WEE1: variants seen among roughly 807,000 people sequenced by gnomAD.
The protein encoded by WEE1 is WEE1 G2 checkpoint kinase.
WEE1 carries 16 observed loss-of-function variants against 68.8 expected under a neutral mutation model. The ratio of observed to expected loss-of-function variants is 0.23; its 90% CI spans 0.16 to 0.35. WEE1 has a LOEUF of 0.35. Ranked by LOEUF, WEE1 falls within the 10% of genes least tolerant of loss-of-function variation. The pLI is 1.00. For missense variants in WEE1, 651 were observed against 824.1 expected (o/e 0.79, Z 2.57); for synonymous variants, 349 against 318.7 (o/e 1.09, Z -1.01).
chr11:9,575,981 G>A lies in WEE1; in HGVS notation c.670G>A (p.Glu224Lys). Reference protein sequence around the residue: ...FMDTEKSGKREFDVRQTPQVN... With the variant: ...FMDTEKSGKRKFDVRQTPQVN... ...GGATACAGAAAAATCAGGAAAAAGGGAATTTGATGTGCGACAGACTCCTCA... is the reference window on the plus strand; with the variant it reads ...GGATACAGAAAAATCAGGAAAAAGGAAATTTGATGTGCGACAGACTCCTCA... Residue 224 changes from glutamate (E) to lysine (K), a missense_variant, in exon 2 of 11, where the codon GAA becomes AAA. By Grantham distance (56) the Glu-to-Lys change is moderately conservative (BLOSUM62 1). Transcript: ENST00000450114. 1 of 1,614,118 alleles carries A rather than the reference G, an allele frequency of 6.2e-7. No individual in the cohort carries two copies. The highest frequency in any genetic ancestry group is 8.5e-7 in the Non-Finnish European group (1 of 1,179,988).
rs1157681380 is a variant in WEE1, at chr11:9,583,761, G to GCA, written c.1289-1456_1289-1455dup. ...TGCGTGTGTGTGCGTGCACGCGCGCGCACACACACACACACACACACACAC... is the reference window on the plus strand; with the variant it reads ...TGCGTGTGTGTGCGTGCACGCGCGCGCACACACACACACACACACACACACAC... On this transcript the variant is annotated intron_variant, in intron 6 of 10. Coordinates refer to ENST00000450114, the MANE Select transcript of WEE1 (RefSeq NM_003390.4). Among the ~76,000 whole-genome samples, 60 of 48,912 alleles carry GCA rather than the reference G, an allele frequency of 1.2e-3. 1 individual carries two copies. The highest frequency in any genetic ancestry group is 8.1e-3 in the South Asian group (9 of 1,108). 32.1% of individuals were successfully genotyped at this position (48,912 alleles called of 152,430 possible).
intron 6 of WEE1, among the ~76,000 whole-genome samples, chr11:9,583,919 C>T (rs1262465001): frequency 1.6e-4 from 24 of 148,196 alleles, no homozygotes; most frequent in Non-Finnish European, 3.0e-4. Flanking sequence ...GATCTCGGCT[C>T]ACTGCAACCT....
In WEE1 at chr11:9,585,399, G is replaced by A; in HGVS notation, c.1385-43G>A. On this transcript the variant is annotated intron_variant, in intron 7 of 10. Transcript: ENST00000450114. ...ATTACCTTCAGATAAAGAGAAGGCT[G>A]TTTTGTTTTTGCTCTTCACTGTAAG... 7 of 1,607,974 alleles carry A rather than the reference G, an allele frequency of 4.4e-6. 1 individual carries two copies. The Middle Eastern group carries it at 1.2e-3, about 266-fold the overall frequency.
At position 9,576,316 on chromosome 11, in the gene WEE1, T is replaced by C. The variant is rs1849564894; in HGVS notation, c.846+23T>C. 6.6e-7 allele frequency: 1 copy of C among 1,525,750 alleles called. No individual in the cohort carries two copies. Among genetic ancestry groups the C allele is most frequent in the South Asian group, 1.2e-5 (1 of 80,902 alleles). 94.5% of individuals were successfully genotyped at this position (1,525,750 alleles called of 1,614,324 possible). A position where few individuals can be genotyped will look rare whatever the true frequency, so the allele number is the denominator to read the frequency against. ...AAGGTAAATAGCTTTTTATTTTTAT[T>C]TTTTTGAAATTTACTTTTCTGCCAC... On this transcript the variant is annotated intron_variant, in intron 3 of 10. Coordinates refer to ENST00000450114, the MANE Select transcript of WEE1 (RefSeq NM_003390.4). The surrounding 1 kb of genome is among the most constrained non-coding windows in gnomAD (Gnocchi z 4.3).
chr11:9,575,803 T>C, intron 1 of WEE1, 85 bp from the exon 2 acceptor site: 1 of 1,211,398 alleles, frequency 8.3e-7, no homozygotes, highest in South Asian at 1.3e-5. Flanking sequence ...TTCAGCCCTA[T>C]GAAAGGCTCG....
chr11:9,586,606 C>T lies in WEE1; in HGVS notation c.1628C>T (p.Thr543Ile), dbSNP rs1363216392. The T allele has an allele frequency of 1.2e-6, 2 of 1,614,066 alleles. No homozygotes were observed. Among genetic ancestry groups the T allele is most frequent in the South Asian group, 2.2e-5 (2 of 91,076 alleles). ...RIPQVLSQEFTELLKVMIHPD... is the reference protein window; with the variant it reads ...RIPQVLSQEFIELLKVMIHPD... ...CCACAAGTGCTTTCCCAAGAATTTA[C>T]AGAGTTGCTAAAAGTGAGCATTTTA... The change falls in exon 9 of 11, where the codon ACA (threonine) becomes ATA (isoleucine). Residue 543 changes from threonine to isoleucine, a missense_variant. Physicochemically the swap from Thr to Ile is moderately conservative, Grantham distance 89. Coordinates refer to ENST00000450114, the MANE Select transcript of WEE1 (RefSeq NM_003390.4).
chr11:9,588,357 A>G lies in WEE1; in HGVS notation c.1788-92A>G. The G allele has an allele frequency of 4.9e-6, 4 of 819,750 alleles. 1 individual carries two copies. The South Asian group carries it at 1.3e-4, about 26-fold the overall frequency. 50.8% of individuals were successfully genotyped at this position (819,750 alleles called of 1,614,324 possible). ...AATTACATCTTAGAATAATGATGGC[A>G]TGCAAATATCTCCCAATCGACAATA... On this transcript the variant is annotated intron_variant, in intron 10 of 10. Transcript: ENST00000450114.
At chr11:9,584,086 TC>T (rs1849673769) in intron 6 of WEE1, among the ~76,000 whole-genome samples, 1 of 151,792 alleles carries the variant, frequency 6.6e-6, no homozygotes, top group African/African-American at 2.4e-5. Context: ...CCTCAAGTGA[TC>T]CGCCCACCTT....
rs1158323030 is a variant in WEE1, at chr11:9,588,594, A to G, written c.1933A>G (p.Ile645Val). Residue 645 changes from isoleucine (I) to valine (V), a missense_variant, in exon 11 of 11, where the codon ATA (isoleucine) becomes GTA (valine). By Grantham distance (29) the Ile-to-Val change is conservative. Around this residue, in one of 5 missense-constraint regions of WEE1, gnomAD observed 115 missense variants for 142.7 expected, o/e 0.81. Coordinates refer to ENST00000450114, the MANE Select transcript of WEE1 (RefSeq NM_003390.4). ...KKMNRSVSLT[I>V]Y Reference sequence around the variant, plus strand: ...AATGAACCGCTCTGTCAGCCTTACTATATACTGAGCTACTCCTTTCCCACC... The same window carrying G: ...AATGAACCGCTCTGTCAGCCTTACTGTATACTGAGCTACTCCTTTCCCACC... 3 of 1,594,454 alleles carry G rather than the reference A, an allele frequency of 1.9e-6. No individual in the cohort carries two copies. Among genetic ancestry groups the G allele is most frequent in the Non-Finnish European group, 2.6e-6 (3 of 1,173,608 alleles).
intron 6 of WEE1, among the ~76,000 whole-genome samples, chr11:9,583,610 C>G (rs1389968773): frequency 2.9e-5 from 1 of 34,598 alleles, no homozygotes; most frequent in Non-Finnish European, 6.0e-5. Context: ...GCGAGACTGT[C>G]TCAAAAAAAA....
Position 9,586,811 on chromosome 11 carries a change from G to A in WEE1, c.1742G>A (p.Arg581Gln), listed in dbSNP as rs369658374. The A allele has an allele frequency of 2.8e-5, 45 of 1,612,146 alleles. No homozygotes were observed. Among genetic ancestry groups the A allele is most frequent in the Admixed American group, 5.0e-5 (3 of 59,602 alleles). Residue 581 changes from arginine to glutamine, a missense_variant, in exon 10 of 11, where the codon CGA becomes CAA. Physicochemically the swap from Arg to Gln is conservative, Grantham distance 43. Transcript: ENST00000450114. ...SASRKSAEQL[R>Q]IELNAEKFKN... Reference sequence around the variant, plus strand: ...TCTAGAAAGAGTGCAGAACAATTACGAATAGAATTGAATGCCGAAAAGTTC... The same window carrying A: ...TCTAGAAAGAGTGCAGAACAATTACAAATAGAATTGAATGCCGAAAAGTTC...
At chr11:9,588,118 G>A (rs1400647829) in intron 10 of WEE1, among the ~76,000 whole-genome samples, 1 of 152,058 alleles carries the variant, frequency 6.6e-6, no homozygotes, top group Non-Finnish European at 1.5e-5. Flanking sequence ...GGGCCCAAGC[G>A]ATCCTCCAGC....
rs1444348899 is a variant in WEE1, at chr11:9,576,068, C to A, written c.757C>A (p.Arg253Ser). ...LLLHSSGQCRRRKRTYWNDSC... is the reference protein window; with the variant it reads ...LLLHSSGQCRSRKRTYWNDSC... The stretch of plus-strand genomic sequence containing the variant: ...GCTTCATTCCTCAGGACAGTGTCGT[C>A]GTAGAAAGAGAACGTATTGGAATGA... The change falls in exon 2 of 11, where the codon CGT (arginine) becomes AGT (serine). Residue 253 changes from arginine (R) to serine (S), a missense_variant. Around this residue, in one of 5 missense-constraint regions of WEE1, gnomAD observed 395 missense variants for 378.4 expected, o/e 1.04. Transcript: ENST00000450114. This position sits in a 1 kb window ranked among gnomAD's most constrained non-coding sequence, Gnocchi z 4.3. 1.2e-6 allele frequency: 2 copies of A among 1,614,016 alleles called. No homozygotes were observed. The highest frequency in any genetic ancestry group is 1.6e-4 in the Middle Eastern group (1 of 6,062).
At chr11:9,582,691 C>T (rs531348858) in intron 6 of WEE1, among the ~76,000 whole-genome samples, 34 of 152,154 alleles carry the variant, frequency 2.2e-4, no homozygotes, top group African/African-American at 8.2e-4. Flanking sequence ...CTCCGCCTCC[C>T]GAGTAGCTGG....
chr11:9,586,320 C>A, intron 8 of WEE1, 129 bp from the exon 9 acceptor site: 1 of 771,402 alleles, frequency 1.3e-6, no homozygotes, highest in East Asian at 2.7e-5. Context: ...CTGAATAGGT[C>A]CCAAACTTAA....
intron 6 of WEE1, 28 bp downstream of exon 6, chr11:9,581,706 G>A (rs984978546): frequency 1.3e-5 from 20 of 1,584,920 alleles, no homozygotes; most frequent in Non-Finnish European, 1.6e-5. Context: ...TCTGACCTGT[G>A]TTCTTTGGGG....
intron 4 of WEE1, 87 bp from the exon 5 acceptor site, chr11:9,577,055 T>G: frequency 6.2e-6 from 9 of 1,447,284 alleles, no homozygotes; most frequent in Non-Finnish European, 8.3e-6. Flanking sequence ...TACCAAAAAT[T>G]TATTGTATGA....
intron 6 of WEE1, among the ~76,000 whole-genome samples, chr11:9,583,792 CACACACACACATATATATATATATAT>C (rs1456368606): frequency 5.5e-4 from 17 of 31,022 alleles, no homozygotes; most frequent in Non-Finnish European, 9.9e-4. Context: ...CACACACACA[CACACACACACATATATATATATATAT>C]ATATATATAT....
chr11:9,583,798 CACACATATATAT>C (rs1214032603), intron 6 of WEE1, among the ~76,000 whole-genome samples: 74 of 22,132 alleles, frequency 3.3e-3, no homozygotes, highest in African/African-American at 8.3e-3. Context: ...CACACACACA[CACACATATATAT>C]ATATATATAT....
Sources: allele counts gnomAD v4.1 joint callset (sites outside exome capture counted in the v4.1 genomes callset), GRCh38; gene constraint gnomAD v4.1.1; regional missense constraint gnomAD v4.1.1; non-coding constraint Gnocchi (gnomAD v3.1); transcripts MANE v1.5; gene names NCBI Gene and HGNC (gene_info 2026-07-23, HGNC 2026-07-21).